The following CC2D2A variants were observed in gnomAD, a reference collection of about 807,000 sequenced individuals.
The protein encoded by CC2D2A is coiled-coil and C2 domain containing 2A.
In CC2D2A, 155 loss-of-function variants were observed where a neutral mutation model predicts 212.9. That is an observed-to-expected ratio of 0.73 (90% CI 0.64 to 0.83). CC2D2A has a LOEUF of 0.83. Ranked by LOEUF, CC2D2A falls within the 40% of genes least tolerant of loss-of-function variation. The pLI, the probability that CC2D2A is intolerant of heterozygous loss-of-function variation, is 0.00. For synonymous variants in CC2D2A, 667 were observed against 686.5 expected (o/e 0.97, Z 0.44); for missense variants, 1,856 against 1,956.2 (o/e 0.95, Z 0.97).
At chr4:15,481,097 G>A (rs1714612254) in intron 4 of CC2D2A, 1 of 468,980 alleles carries the variant, frequency 2.1e-6, no homozygotes, top group Non-Finnish European at 4.2e-6. Flanking sequence ...TGTTAGAGGT[G>A]GAGCCTAGTG....
intron 29 of CC2D2A, among the ~76,000 whole-genome samples, chr4:15,574,558 G>C (rs1402165990): frequency 6.6e-6 from 1 of 152,078 alleles, no homozygotes; most frequent in Non-Finnish European, 1.5e-5. Flanking sequence ...TATTTATCTT[G>C]CTTTGCCTAA....
chr4:15,581,355 T>C (rs975609145), intron 30 of CC2D2A, among the ~76,000 whole-genome samples: 6 of 152,186 alleles, frequency 3.9e-5, no homozygotes, highest in Non-Finnish European at 5.9e-5. Context: ...TAATAAGTCA[T>C]GGCTGAAATG....
chr4:15,548,015 G>A (rs540926545), intron 17 of CC2D2A, among the ~76,000 whole-genome samples: 2 of 151,740 alleles, frequency 1.3e-5, no homozygotes, highest in South Asian at 2.1e-4. Context: ...CTCCAGCCTA[G>A]GCAACAAGAG....
chr4:15,484,978 C>T (rs566980931), intron 4 of CC2D2A, among the ~76,000 whole-genome samples: 64 of 152,234 alleles, frequency 4.2e-4, no homozygotes, highest in African/African-American at 1.3e-3. Context: ...CATCACCTCC[C>T]GGCATTTTCC....
chr4:15,490,187 G>A (rs62289344), intron 4 of CC2D2A, among the ~76,000 whole-genome samples: 2 of 152,138 alleles, frequency 1.3e-5, no homozygotes, highest in Admixed American at 6.5e-5. Flanking sequence ...CCCATTGTTA[G>A]TGTACAATTT....
chr4:15,490,276 G>C (rs1315471286), intron 4 of CC2D2A, among the ~76,000 whole-genome samples: 1 of 152,134 alleles, frequency 6.6e-6, no homozygotes, highest in African/African-American at 2.4e-5. Context: ...ACCACAAAAA[G>C]TTCCTTTGTG....
rs1479141284 is a variant in CC2D2A, at chr4:15,500,107, G to GTGTA, written c.248-2321_248-2320insGTAT. On this transcript the variant is annotated intron_variant, in intron 4 of 36. Coordinates refer to ENST00000424120, the MANE Select transcript of CC2D2A (RefSeq NM_001378615.1). ...TGTGTGTGTGTGTGTGTGTGTGTGT[G>GTGTA]TATATATATATATATATATATATAT... is the stretch of plus-strand genomic sequence containing the variant. Among the ~76,000 whole-genome samples, 23 of 112,948 alleles carry GTGTA rather than the reference G, an allele frequency of 2.0e-4. No individual in the cohort carries two copies. In the East Asian group the frequency reaches 2.9e-3, roughly 14 times the overall value. 74.1% of individuals were successfully genotyped at this position (112,948 alleles called of 152,430 possible).
intron 15 of CC2D2A, 54 bp from the exon 16 acceptor site, chr4:15,537,845 T>G (rs1487657135): frequency 4.6e-6 from 7 of 1,537,554 alleles, no homozygotes; most frequent in East Asian, 2.4e-5. Context: ...GACTGTGCTC[T>G]TAAATGAAAT....
At chr4:15,569,117 A>G (rs1166436428) in intron 26 of CC2D2A, among the ~76,000 whole-genome samples, 176 bp from the exon 27 acceptor site, 1 of 152,216 alleles carries the variant, frequency 6.6e-6, no homozygotes, top group Non-Finnish European at 1.5e-5. Flanking sequence ...TGCTCTGTCC[A>G]TTTGAATATA....
At chr4:15,478,529 C>T (rs1373183259) in intron 2 of CC2D2A, among the ~76,000 whole-genome samples, 194 bp from the exon 3 acceptor site, 1 of 152,194 alleles carries the variant, frequency 6.6e-6, no homozygotes, top group Non-Finnish European at 1.5e-5. Context: ...AATATGGATA[C>T]GACTTTTCGA....
chr4:15,542,918 G>A (rs1274326827), intron 17 of CC2D2A, among the ~76,000 whole-genome samples: 15 of 152,332 alleles, frequency 9.8e-5, no homozygotes, highest in East Asian at 5.8e-4. Context: ...TGTAGAGGAC[G>A]TTCGTGACAG....
chr4:15,511,842 C>A (rs752058538), intron 8 of CC2D2A, among the ~76,000 whole-genome samples: 1 of 152,134 alleles, frequency 6.6e-6, no homozygotes, highest in Non-Finnish European at 1.5e-5. Flanking sequence ...GGCTACAACT[C>A]AAATTCTGCA....
intron 27 of CC2D2A, 30 bp downstream of exon 27, chr4:15,569,419 G>A (rs938749353): frequency 7.7e-7 from 1 of 1,290,572 alleles, no homozygotes; most frequent in Non-Finnish European, 1.1e-6. Context: ...AAAGACACTT[G>A]TATTCACTTT....
intron 33 of CC2D2A, among the ~76,000 whole-genome samples, chr4:15,595,566 A>G (rs191764588): frequency 6.6e-6 from 1 of 152,390 alleles, no homozygotes; most frequent in Non-Finnish European, 1.5e-5. Flanking sequence ...CGAGGCATAC[A>G]GAAGTTACAT....
intron 10 of CC2D2A, 58 bp from the exon 11 acceptor site, chr4:15,516,567 G>C (rs982764224): frequency 1.2e-5 from 18 of 1,544,582 alleles, no homozygotes; most frequent in Non-Finnish European, 1.4e-5. Flanking sequence ...TTTGTGTTGT[G>C]AACCATTTTC....
intron 13 of CC2D2A, among the ~76,000 whole-genome samples, chr4:15,531,446 C>T (rs73237156): frequency 0.054 from 8,176 of 152,254 alleles, 489 homozygotes; most frequent in East Asian, 0.22. Context: ...TCAGGTGTTA[C>T]TGTTGTTTTC....
intron 13 of CC2D2A, among the ~76,000 whole-genome samples, chr4:15,529,837 T>C (rs1237435898): frequency 6.7e-6 from 1 of 148,386 alleles, no homozygotes; most frequent in Non-Finnish European, 1.5e-5. Context: ...TTAAGGTATA[T>C]CTCTCCATTT....
intron 6 of CC2D2A, among the ~76,000 whole-genome samples, chr4:15,509,366 C>T (rs1252230113): frequency 6.6e-6 from 1 of 151,956 alleles, no homozygotes; most frequent in African/African-American, 2.4e-5. Flanking sequence ...CTCTGCCTCC[C>T]AGGTTCAAGG....
intron 2 of CC2D2A, among the ~76,000 whole-genome samples, chr4:15,477,895 T>C (rs1159259702): frequency 6.6e-6 from 1 of 152,188 alleles, no homozygotes; most frequent in Non-Finnish European, 1.5e-5. Flanking sequence ...AAATTATATA[T>C]CCTTAAAATT....
Sources: allele counts gnomAD v4.1 joint callset (sites outside exome capture counted in the v4.1 genomes callset), GRCh38; gene constraint gnomAD v4.1.1; transcripts MANE v1.5; gene names NCBI Gene and HGNC (gene_info 2026-07-23, HGNC 2026-07-21).